RAB19: variants seen among roughly 807,000 people sequenced by gnomAD.
RAB19 encodes RAB19, member RAS oncogene family.
RAB19 carries 21 observed loss-of-function variants against 17.3 expected under a neutral mutation model. That is an observed-to-expected ratio of 1.21 (90% CI 0.86 to 1.74). The LOEUF (loss-of-function observed/expected upper bound fraction) is 1.74, where lower values mean the gene tolerates loss of function less well. RAB19 is among the 40% of genes most tolerant of loss of function. RAB19 has a pLI of 0.00. For missense variants in RAB19, 277 were observed against 286.8 expected, an observed-to-expected ratio of 0.97 and a Z score of 0.25; for synonymous variants, 126 against 110.4, an observed-to-expected ratio of 1.14 and a Z score of -0.88.
intron 1 of RAB19, 41 bp from the exon 2 acceptor site, chr7:140,407,583 A>G: frequency 6.7e-7 from 1 of 1,488,654 alleles, no homozygotes; most frequent in South Asian, 1.1e-5. Flanking sequence ...CTTGTACTGG[A>G]TCCCCAGTTC....
Position 140,407,714 on chromosome 7 carries a change from T to C in RAB19, c.68T>C (p.Ile23Thr), listed in dbSNP as rs140181115. The C allele has an allele frequency of 8.8e-5, 142 of 1,614,072 alleles. 1 individual carries two copies. Among genetic ancestry groups the C allele is most frequent in the Middle Eastern group, 3.3e-4 (2 of 6,062 alleles). The change falls in exon 2 of 4, where the codon ATT becomes ACT. Residue 23 changes from isoleucine to threonine, a missense_variant. Ile to Thr is a moderately conservative substitution (Grantham distance 89). Coordinates refer to ENST00000537763, the MANE Select transcript of RAB19 (RefSeq NM_001008749.3). ...GACTATTTGTTCAAGATTATCCTCATTGGGGATTCCAATGTGGGGAAGACG... is the reference window on the plus strand; with the variant it reads ...GACTATTTGTTCAAGATTATCCTCACTGGGGATTCCAATGTGGGGAAGACG... ...NFDYLFKIIL[I>T]GDSNVGKTCV...
chr7:140,407,868 G>T, intron 2 of RAB19, 21 bp downstream of exon 2: 1 of 1,477,328 alleles, frequency 6.8e-7, no homozygotes, highest in Non-Finnish European at 9.3e-7. Flanking sequence ...ACCGGGACGG[G>T]ACTGGTTCCA....
At chr7:140,411,815 G>T (rs774386296) in intron 2 of RAB19, 59 bp from the exon 3 acceptor site, 3 of 1,613,750 alleles carry the variant, frequency 1.9e-6, no homozygotes, top group Non-Finnish European at 2.5e-6. Context: ...TGTAGGTGAA[G>T]GAGTTCCCAT....
At chr7:140,420,878 T>G (rs1300877346) in intron 3 of RAB19, among the ~76,000 whole-genome samples, 1 of 152,052 alleles carries the variant, frequency 6.6e-6, no homozygotes, top group Non-Finnish European at 1.5e-5. Flanking sequence ...AATATTTTGG[T>G]TTTCTTATTT....
chr7:140,421,102 A>C (rs1036114707), intron 3 of RAB19, among the ~76,000 whole-genome samples: 2 of 152,042 alleles, frequency 1.3e-5, no homozygotes, highest in African/African-American at 4.8e-5. Flanking sequence ...CATGTTGGTC[A>C]GGCTGGTCTT....
intron 3 of RAB19, among the ~76,000 whole-genome samples, chr7:140,416,351 CA>C (rs5887977): frequency 0.05 from 7,592 of 151,172 alleles, 218 homozygotes; most frequent in Middle Eastern, 0.075. Context: ...ATCAATCAAA[CA>C]AAAAAAAACT....
Position 140,426,111 on chromosome 7 carries a change from G to T in RAB19, c.615G>T (p.Met205Ile), listed in dbSNP as rs147871231. Residue 205 changes from methionine to isoleucine, a missense_variant, in exon 4 of 4, where the codon ATG (methionine) becomes ATT (isoleucine). Transcript: ENST00000537763. Reference protein sequence around the residue: ...GLPLDSSPVLMAQGPSEKTHC... With the variant: ...GLPLDSSPVLIAQGPSEKTHC... ...CCCTGGACTCCAGCCCCGTTCTTATGGCCCAGGGTCCAAGTGAAAAGACCC... is the reference window on the plus strand; with the variant it reads ...CCCTGGACTCCAGCCCCGTTCTTATTGCCCAGGGTCCAAGTGAAAAGACCC... 1 of 1,614,134 alleles carries T rather than the reference G, an allele frequency of 6.2e-7. No homozygotes were observed. Among genetic ancestry groups the T allele is most frequent in the Non-Finnish European group, 8.5e-7 (1 of 1,180,016 alleles).
At chr7:140,408,969 A>G (rs1314060857) in intron 2 of RAB19, among the ~76,000 whole-genome samples, 1 of 152,194 alleles carries the variant, frequency 6.6e-6, no homozygotes, top group African/African-American at 2.4e-5. Context: ...TGTGTTGCTC[A>G]GGCCAGTCTC....
chr7:140,416,868 T>C (rs1563072844), intron 3 of RAB19, among the ~76,000 whole-genome samples: 1 of 152,002 alleles, frequency 6.6e-6, no homozygotes, highest in Non-Finnish European at 1.5e-5. Context: ...GGTGGGAAGA[T>C]TGCTTGATGC....
Position 140,407,649 on chromosome 7 carries a change from GC to G in RAB19, c.4del (p.His2ThrfsTer65). 1 of 1,614,062 alleles carries G rather than the reference GC, an allele frequency of 6.2e-7. No homozygotes were observed. The highest frequency in any genetic ancestry group is 1.3e-5 in the African/African-American group (1 of 75,018). On this transcript the variant is annotated frameshift_variant, in exon 2 of 4. Transcript: ENST00000537763. LOFTEE classifies it high-confidence loss of function. M[H>X]FSSSARAADE... ...TTCTGTTCTAGGTGGCAAGAACCAT[GC>G]ACTTCTCCAGCTCAGCCAGGGCAGC...
intron 2 of RAB19, among the ~76,000 whole-genome samples, chr7:140,409,129 C>T (rs944061353): frequency 6.6e-5 from 10 of 152,030 alleles, no homozygotes; most frequent in Non-Finnish European, 1.2e-4. Context: ...TTCGGGAGGC[C>T]GAGGCGGGTG....
In RAB19 at chr7:140,426,798, C is replaced by A. The variant is rs537341278; in HGVS notation, c.*648C>A. 5.7e-4 allele frequency among the ~76,000 whole-genome samples: 86 copies of A among 151,968 alleles called. 1 individual carries two copies. The highest frequency in any genetic ancestry group is 8.4e-4 in the African/African-American group (35 of 41,460). ...ATTCTAGCAGGGCTGACTTGGCCACCCTCTTGGGATAGGGGAAGACACCTG... is the reference window on the plus strand; with the variant it reads ...ATTCTAGCAGGGCTGACTTGGCCACACTCTTGGGATAGGGGAAGACACCTG... On this transcript the variant is annotated 3_prime_UTR_variant, in exon 4 of 4. Transcript: ENST00000537763.
chr7:140,405,558 G>A (rs976689782), intron 1 of RAB19, among the ~76,000 whole-genome samples: 1 of 151,588 alleles, frequency 6.6e-6, no homozygotes, highest in Admixed American at 6.6e-5. Flanking sequence ...GGCGGGGAGG[G>A]GGGGCGCAGG....
At chr7:140,411,125 C>T (rs1799352648) in intron 2 of RAB19, 6 of 1,366,462 alleles carry the variant, frequency 4.4e-6, no homozygotes, top group East Asian at 9.1e-5. Context: ...CTCGGCCGGG[C>T]GCAGTGGCTC....
In RAB19 at chr7:140,410,313, CTT is replaced by C. The variant is rs762151021; in HGVS notation, c.202-1538_202-1537del. 1.6e-4 allele frequency among the ~76,000 whole-genome samples: 13 copies of C among 81,030 alleles called. No individual in the cohort carries two copies. In the East Asian group the frequency reaches 2.2e-3, roughly 13 times the overall value. The allele number at this position is 81,030 out of a possible 152,430, so 53.2% of individuals were successfully genotyped here. A position where few individuals can be genotyped will look rare whatever the true frequency, so the allele number is the denominator to read the frequency against. The stretch of plus-strand genomic sequence containing the variant: ...ATGCCCAGCTAATTTTTGTATTTTT[CTT>C]TTTTTTTTTTTTTTTTTTTTTTGAG... On this transcript the variant is annotated intron_variant, in intron 2 of 3. Coordinates refer to ENST00000537763, the MANE Select transcript of RAB19 (RefSeq NM_001008749.3).
At chr7:140,415,056 CT>C (rs543839729) in intron 3 of RAB19, among the ~76,000 whole-genome samples, 1 of 150,644 alleles carries the variant, frequency 6.6e-6, no homozygotes, top group East Asian at 1.9e-4. Flanking sequence ...GACCTGACCT[CT>C]TTTTTTTTCT....
chr7:140,418,008 A>T (rs978981041), intron 3 of RAB19, among the ~76,000 whole-genome samples: 4 of 152,154 alleles, frequency 2.6e-5, no homozygotes, highest in Non-Finnish European at 5.9e-5. Flanking sequence ...CCTGGTCTCC[A>T]TGGGCCCCCG....
chr7:140,412,173 C>T (rs1306754733), intron 3 of RAB19, 116 bp downstream of exon 3: 17 of 1,110,876 alleles, frequency 1.5e-5, no homozygotes, highest in South Asian at 4.2e-5. Context: ...GTGATGCAGC[C>T]GGGCACAGTG....
intron 3 of RAB19, among the ~76,000 whole-genome samples, chr7:140,414,913 C>G (rs899000443): frequency 5.3e-5 from 8 of 152,020 alleles, no homozygotes; most frequent in Admixed American, 4.6e-4. Flanking sequence ...CATGTAAAAC[C>G]CTCAGAGGCC....
Sources: allele counts gnomAD v4.1 joint callset (sites outside exome capture counted in the v4.1 genomes callset), GRCh38; gene constraint gnomAD v4.1.1; transcripts MANE v1.5; gene names NCBI Gene and HGNC (gene_info 2026-07-23, HGNC 2026-07-21).